Variants in KIAA1958 observed in about 807,000 individuals in gnomAD.
The protein encoded by KIAA1958 is uncharacterized protein KIAA1958.
Under a neutral mutation model 47.2 loss-of-function variants are expected in KIAA1958, and 14 were observed. That is an observed-to-expected ratio of 0.30 (90% CI 0.20 to 0.46). KIAA1958 has a LOEUF of 0.46. Among genes scored for constraint, KIAA1958 ranks in the 20% least tolerant of loss-of-function variants. The probability of loss-of-function intolerance (pLI) is 1.00; values close to 1 mark genes in which losing one functional copy is unlikely to be tolerated. For synonymous variants in KIAA1958, 354 were observed against 353.3 expected, an observed-to-expected ratio of 1.00 and a Z score of -0.02; for missense variants, 803 against 909.2, an observed-to-expected ratio of 0.88 and a Z score of 1.50.
chr9:112,506,232 G>A (rs945597585), intron 1 of KIAA1958, among the ~76,000 whole-genome samples: 6 of 152,108 alleles, frequency 3.9e-5, no homozygotes, highest in East Asian at 1.9e-4. Context: ...CGAAGCAGGC[G>A]GATCACAAGG....
chr9:112,563,089 A>G lies in KIAA1958; in HGVS notation c.-24-10968A>G, dbSNP rs868499984. ...TGTCTCTCTCTCTCTCTCTCTCTAT[A>G]TATATATATAAATTTTTTTTAATTG... On this transcript the variant is annotated intron_variant, in intron 1 of 3. Transcript: ENST00000337530. 2.1e-4 allele frequency among the ~76,000 whole-genome samples: 20 copies of G among 96,860 alleles called. 2 individuals are homozygous for G. The highest frequency in any genetic ancestry group is 7.8e-4 in the African/African-American group (20 of 25,584). 63.5% of individuals were successfully genotyped at this position (96,860 alleles called of 152,430 possible).
At chr9:112,505,376 GTA>G (rs1834216184) in intron 1 of KIAA1958, among the ~76,000 whole-genome samples, 1 of 152,190 alleles carries the variant, frequency 6.6e-6, no homozygotes, top group African/African-American at 2.4e-5. Flanking sequence ...ATAATACTAA[GTA>G]TATAGCCCAT....
At chr9:112,529,784 G>T (rs1437942420) in intron 1 of KIAA1958, among the ~76,000 whole-genome samples, 1 of 151,994 alleles carries the variant, frequency 6.6e-6, no homozygotes, top group African/African-American at 2.4e-5. Context: ...TTTACTTTTT[G>T]GGAGGAAGTC....
rs1588042246 is a variant in KIAA1958 at position 112,618,426 on chromosome 9, A to G, written c.1172-27224A>G. 2 of 1,551,202 alleles carry G rather than the reference A, an allele frequency of 1.3e-6. No individual in the cohort carries two copies. Among genetic ancestry groups the G allele is most frequent in the Non-Finnish European group, 1.7e-6 (2 of 1,147,136 alleles). ...GGTGATATCCGGCTCCGGGTAACAGAGACGGGTCTCGAGTACTTGGAGTGG... is the reference window on the plus strand; with the variant it reads ...GGTGATATCCGGCTCCGGGTAACAGGGACGGGTCTCGAGTACTTGGAGTGG... On this transcript the variant is annotated intron_variant, in intron 2 of 3. Coordinates refer to ENST00000337530, the MANE Select transcript of KIAA1958 (RefSeq NM_133465.4). The surrounding 1 kb of genome is among the most constrained non-coding windows in gnomAD (Gnocchi z 7.1).
Position 112,662,663 on chromosome 9 carries a change from G to C in KIAA1958, c.*2594G>C, listed in dbSNP as rs1246646681. 6.6e-6 allele frequency: 1 copy of C among 152,404 alleles called. No individual in the cohort carries two copies. Among genetic ancestry groups the C allele is most frequent in the Non-Finnish European group, 1.5e-5 (1 of 68,218 alleles). The allele number at this position is 152,404 out of a possible 1,614,324, so 9.4% of individuals were successfully genotyped here. On this transcript the variant is annotated 3_prime_UTR_variant, in exon 4 of 4. Transcript: ENST00000337530. ...AAAAATTAGCCGGGCGTGGTGGCAG[G>C]TGCCTGTAATCCCAGCTACTTGAGA... is the stretch of plus-strand genomic sequence containing the variant.
At chr9:112,631,534 GAAAAAAAAAAAAA>G (rs57805823) in intron 2 of KIAA1958, among the ~76,000 whole-genome samples, 58 of 98,294 alleles carry the variant, frequency 5.9e-4, no homozygotes, top group South Asian at 2.3e-3. Context: ...CTCTCTCAAA[GAAAAAAAAAAAAA>G]AAAAAAAAAG....
intron 1 of KIAA1958, among the ~76,000 whole-genome samples, chr9:112,534,549 C>CT (rs113955860): frequency 5.0e-4 from 72 of 143,822 alleles, no homozygotes; most frequent in South Asian, 1.1e-3. Context: ...TTTCTTTTTT[C>CT]TTTTTTTTTT....
At chr9:112,659,117 A>G (rs1385326997) in intron 3 of KIAA1958, 146 bp from the exon 4 acceptor site, 1 of 661,558 alleles carries the variant, frequency 1.5e-6, no homozygotes, top group Middle Eastern at 4.1e-4. Flanking sequence ...TAGATCTTCC[A>G]GTTTGAAATT....
intron 2 of KIAA1958, among the ~76,000 whole-genome samples, chr9:112,620,118 T>TAA: frequency 1.3e-5 from 2 of 152,212 alleles, no homozygotes; most frequent in South Asian, 4.1e-4. Context: ...TTATAATAAT[T>TAA]TTGGTTAAAC....
intron 1 of KIAA1958, among the ~76,000 whole-genome samples, chr9:112,521,361 T>A (rs1450497490): frequency 6.6e-6 from 1 of 152,094 alleles, no homozygotes; most frequent in African/African-American, 2.4e-5. Flanking sequence ...CACAGGTGTG[T>A]GCCACTATGC....
intron 1 of KIAA1958, among the ~76,000 whole-genome samples, chr9:112,561,453 A>G (rs1024668813): frequency 3.3e-5 from 5 of 152,324 alleles, no homozygotes; most frequent in Admixed American, 3.3e-4. Context: ...CCATGTGAGC[A>G]CAGTTCATGA....
chr9:112,602,082 A>G (rs967746254), intron 2 of KIAA1958, among the ~76,000 whole-genome samples: 6 of 152,230 alleles, frequency 3.9e-5, no homozygotes, highest in Non-Finnish European at 8.8e-5. Context: ...CTTTGTTTTA[A>G]AGTTCTAGGA....
intron 1 of KIAA1958, among the ~76,000 whole-genome samples, chr9:112,551,155 G>T (rs991454320): frequency 2.6e-5 from 4 of 151,490 alleles, no homozygotes; most frequent in South Asian, 4.2e-4. Flanking sequence ...TAACTGTACA[G>T]TTCAGTAGCA....
intron 2 of KIAA1958, among the ~76,000 whole-genome samples, chr9:112,585,356 G>A (rs1235721016): frequency 6.6e-6 from 1 of 152,246 alleles, no homozygotes; most frequent in Non-Finnish European, 1.5e-5. Context: ...GGAACACATG[G>A]AAGTATATTT....
chr9:112,567,593 A>G (rs1835447443), intron 1 of KIAA1958, among the ~76,000 whole-genome samples: 1 of 152,194 alleles, frequency 6.6e-6, no homozygotes. Flanking sequence ...AGAAACAACC[A>G]CGAGCACCAT....
At chr9:112,655,559 G>C (rs1227038578) in intron 3 of KIAA1958, among the ~76,000 whole-genome samples, 1 of 152,226 alleles carries the variant, frequency 6.6e-6, no homozygotes, top group East Asian at 1.9e-4. Context: ...CTCACCACTT[G>C]CAAAGCCAGT....
At chr9:112,645,857 C>G in intron 3 of KIAA1958, 35 bp downstream of exon 3, 3 of 1,582,530 alleles carry the variant, frequency 1.9e-6, no homozygotes, top group Non-Finnish European at 1.7e-6. Context: ...TTTCAGCCAA[C>G]TTCACTGAGC....
intron 1 of KIAA1958, among the ~76,000 whole-genome samples, chr9:112,490,069 T>C (rs6477941): frequency 0.96 from 145,888 of 152,320 alleles, 69,940 homozygotes; most frequent in African/African-American, 0.99. Flanking sequence ...TCATTCCAGC[T>C]TTTATCATCA....
In KIAA1958 at chr9:112,618,421, A is replaced by G; in HGVS notation, c.1172-27229A>G. On this transcript the variant is annotated intron_variant, in intron 2 of 3. Transcript: ENST00000337530. This position sits in a 1 kb window ranked among gnomAD's most constrained non-coding sequence, Gnocchi z 7.1. ...AATGGGGTGATATCCGGCTCCGGGT[A>G]ACAGAGACGGGTCTCGAGTACTTGG... 6.4e-7 allele frequency: 1 copy of G among 1,551,194 alleles called. No homozygotes were observed. The highest frequency in any genetic ancestry group is 8.7e-7 in the Non-Finnish European group (1 of 1,147,120).
Sources: allele counts gnomAD v4.1 joint callset (sites outside exome capture counted in the v4.1 genomes callset), GRCh38; gene constraint gnomAD v4.1.1; non-coding constraint Gnocchi (gnomAD v3.1); transcripts MANE v1.5; gene names NCBI Gene and HGNC (gene_info 2026-07-23, HGNC 2026-07-21).